SMG6: variants seen among roughly 807,000 people sequenced by gnomAD.
The protein encoded by SMG6 is telomerase-binding protein EST1A.
SMG6 carries 66 observed loss-of-function variants against 142.2 expected under a neutral mutation model. The ratio of observed to expected loss-of-function variants is 0.46; its 90% confidence interval spans 0.38 to 0.57. The LOEUF is 0.57. Ranked by LOEUF, SMG6 falls within the 20% of genes least tolerant of loss-of-function variation. The pLI is 0.00. For missense variants in SMG6, 1,793 were observed against 1,832.0 expected (o/e 0.98, Z 0.39); for synonymous variants, 779 against 702.4 (o/e 1.11, Z -1.72).
chr17:2,199,977 A>C (rs1338999148), intron 10 of SMG6: 3 of 149,600 alleles, frequency 2.0e-5, no homozygotes, highest in East Asian at 4.1e-4. Flanking sequence ...GCTGGAGTGT[A>C]GTGGTACAAT....
rs181659252 is a variant in SMG6 at position 2,081,468 on chromosome 17, G to A, written c.3681+342C>T. On this transcript the variant is annotated intron_variant, in intron 15 of 18. Transcript: ENST00000263073. ...AGTAAGAATCCACAGCCTCTCCAGG[G>A]ATATCTGGATAAGGCTCAGGGAAAC... is the stretch of plus-strand genomic sequence containing the variant. 5.9e-5 allele frequency among the ~76,000 whole-genome samples: 9 copies of A among 152,264 alleles called. No individual in the cohort carries two copies. The East Asian group carries it at 1.5e-3, about 26-fold the overall frequency.
chr17:2,067,796 T>G (rs1264231331), intron 16 of SMG6, among the ~76,000 whole-genome samples: 1 of 152,188 alleles, frequency 6.6e-6, no homozygotes, highest in Non-Finnish European at 1.5e-5. Context: ...GGATGTTTCC[T>G]GCCCTTTGTT....
chr17:2,134,419 C>CAAAAAAAAAAAAAAAAA (rs58429166), intron 13 of SMG6, among the ~76,000 whole-genome samples: 1 of 28,724 alleles, frequency 3.5e-5, no homozygotes, highest in Non-Finnish European at 5.3e-5. Flanking sequence ...GACTCCATCT[C>CAAAAAAAAAAAAAAAAA]AAAAAAAAAA....
In SMG6 at chr17:2,299,856, G is replaced by A. The variant is rs900835681; in HGVS notation, c.897C>T (p.Ser299=). The change falls in exon 2 of 19, where the codon TCC becomes TCT. Residue 299 remains serine (S), a synonymous_variant. Transcript: ENST00000263073. This position sits in a 1 kb window ranked among gnomAD's most constrained non-coding sequence, Gnocchi z 4.3. ...RPRLKKQVSV[S]STDSLDEDRI... ...TGTCCTCGTCTAAGGAATCGGTTGA[G>A]GACACAGACACTTGCTTCTTCAGTC... The A allele has an allele frequency of 1.9e-6, 3 of 1,614,008 alleles. No homozygotes were observed. In the African/African-American group the frequency reaches 4.0e-5, roughly 22 times the overall value.
chr17:2,249,415 C>T (rs1346453796), intron 8 of SMG6, among the ~76,000 whole-genome samples: 1 of 152,184 alleles, frequency 6.6e-6, no homozygotes, highest in Non-Finnish European at 1.5e-5. Context: ...CTCACCTTAG[C>T]CCGCAAAGTG....
At position 2,292,610 on chromosome 17, in the gene SMG6, T is replaced by C. The variant is rs1379600240; in HGVS notation, c.2279A>G (p.His760Arg). ...KARSWYLKAQ[H>R]IAPKNGRPYN... ...GGGGCGCCCATTCTTGGGAGCAATG[T>C]GCTGGGCCTTCAGGTACCAACTAGA... Residue 760 changes from histidine to arginine, a missense_variant, in exon 6 of 19, where the codon CAC becomes CGC. Transcript: ENST00000263073. 6.2e-7 allele frequency: 1 copy of C among 1,612,266 alleles called. No homozygotes were observed.
At chr17:2,168,861 G>C (rs2071419353) in intron 13 of SMG6, among the ~76,000 whole-genome samples, 1 of 151,930 alleles carries the variant, frequency 6.6e-6, no homozygotes. Context: ...CAATTCTCCT[G>C]TCTCAGCCTC....
chr17:2,249,053 ATTTTTTT>A (rs535789657), intron 8 of SMG6, among the ~76,000 whole-genome samples: 2 of 145,046 alleles, frequency 1.4e-5, no homozygotes, highest in South Asian at 4.3e-4. Context: ...CGCCCCGTTA[ATTTTTTT>A]TTTTTTGTAT....
intron 14 of SMG6, among the ~76,000 whole-genome samples, chr17:2,083,766 G>C (rs2068484985): frequency 6.6e-6 from 1 of 152,202 alleles, no homozygotes; most frequent in Non-Finnish European, 1.5e-5. Context: ...TTATCACGGG[G>C]CTTGAAGTGA....
chr17:2,193,940 T>C (rs1224783251), intron 10 of SMG6, among the ~76,000 whole-genome samples: 6 of 152,096 alleles, frequency 3.9e-5, no homozygotes, highest in Non-Finnish European at 2.9e-5. Flanking sequence ...AAGCGATTCT[T>C]CCGCCTCAGC....
intron 8 of SMG6, among the ~76,000 whole-genome samples, chr17:2,260,941 AG>A (rs1253986947): frequency 1.3e-5 from 2 of 151,592 alleles, no homozygotes; most frequent in African/African-American, 4.9e-5. Flanking sequence ...GGTTGCAGTG[AG>A]ACGAGATCAT....
intron 12 of SMG6, among the ~76,000 whole-genome samples, chr17:2,177,110 T>A (rs1178748942): frequency 6.6e-6 from 1 of 152,008 alleles, no homozygotes; most frequent in Admixed American, 6.6e-5. Flanking sequence ...CTGAGGTGAG[T>A]TCTGCAAATA....
intron 6 of SMG6, among the ~76,000 whole-genome samples, chr17:2,285,726 T>G (rs559439187): frequency 6.6e-6 from 1 of 152,040 alleles, no homozygotes; most frequent in South Asian, 2.1e-4. Flanking sequence ...CAGGCTGGAG[T>G]GCAGTGGCAT....
At chr17:2,152,069 C>T (rs1462132102) in intron 13 of SMG6, among the ~76,000 whole-genome samples, 1 of 152,212 alleles carries the variant, frequency 6.6e-6, no homozygotes, top group Non-Finnish European at 1.5e-5. Context: ...CCTGACCTCT[C>T]GGGTATTCTG....
At chr17:2,080,210 G>A (rs538434471) in intron 15 of SMG6, among the ~76,000 whole-genome samples, 21 of 152,174 alleles carry the variant, frequency 1.4e-4, no homozygotes, top group Admixed American at 5.2e-4. Flanking sequence ...CCTGAGGTCA[G>A]GAGTTCAAGA....
intron 13 of SMG6, among the ~76,000 whole-genome samples, chr17:2,142,567 T>C (rs1256436884): frequency 1.3e-5 from 2 of 150,764 alleles, no homozygotes; most frequent in Non-Finnish European, 2.9e-5. Flanking sequence ...AACTCAACAA[T>C]AAAAGACAAC....
At chr17:2,284,754 G>A (rs1009438195) in intron 6 of SMG6, among the ~76,000 whole-genome samples, 17 of 152,168 alleles carry the variant, frequency 1.1e-4, no homozygotes, top group Non-Finnish European at 2.5e-4. Context: ...CGTTAACCTA[G>A]AGAGGTTTCC....
At chr17:2,260,989 C>CT (rs1407435084) in intron 8 of SMG6, among the ~76,000 whole-genome samples, 1 of 143,446 alleles carries the variant, frequency 7.0e-6, no homozygotes, top group African/African-American at 2.7e-5. Context: ...GGGCAAGACT[C>CT]TATCTCAAAA....
At chr17:2,279,663 G>A (rs545161325) in intron 8 of SMG6, among the ~76,000 whole-genome samples, 1 of 152,284 alleles carries the variant, frequency 6.6e-6, no homozygotes, top group Admixed American at 6.5e-5. Context: ...CGATTAGGAG[G>A]TGGACTCAAC....
Sources: gnomAD v4.1 joint callset for allele counts (sites outside exome capture counted in the v4.1 genomes callset) on GRCh38, gnomAD v4.1.1 for gene constraint, Gnocchi (gnomAD v3.1) non-coding constraint, MANE v1.5 for transcripts, NCBI Gene and HGNC (gene_info 2026-07-23, HGNC 2026-07-21) for gene names.